PIP4K2A: variants seen among roughly 807,000 people sequenced by gnomAD.
The protein encoded by PIP4K2A is phosphatidylinositol 5-phosphate 4-kinase type-2 alpha.
PIP4K2A carries 14 observed loss-of-function variants against 42.9 expected under a neutral mutation model. That is an observed-to-expected ratio of 0.33 (90% CI 0.22 to 0.51). The LOEUF is 0.51. Ranked by LOEUF, PIP4K2A falls within the 20% of genes least tolerant of loss-of-function variation. The pLI is 0.97. For synonymous variants in PIP4K2A, 192 were observed against 192.2 expected, an observed-to-expected ratio of 1.00 and a Z score of 0.01; for missense variants, 434 against 519.8, an observed-to-expected ratio of 0.83 and a Z score of 1.61.
At chr10:22,624,152 C>T (rs1838389212) in intron 1 of PIP4K2A, among the ~76,000 whole-genome samples, 1 of 152,176 alleles carries the variant, frequency 6.6e-6, no homozygotes, top group Non-Finnish European at 1.5e-5. Flanking sequence ...GGCAGTACTA[C>T]ACTACAAATT....
intron 1 of PIP4K2A, among the ~76,000 whole-genome samples, chr10:22,632,357 T>C (rs998820236): frequency 6.6e-6 from 1 of 152,150 alleles, no homozygotes; most frequent in Non-Finnish European, 1.5e-5. Flanking sequence ...TTGTATTATT[T>C]TTGCTACATT....
chr10:22,578,843 T>G (rs1341321193), intron 4 of PIP4K2A, among the ~76,000 whole-genome samples: 2 of 152,212 alleles, frequency 1.3e-5, no homozygotes, highest in African/African-American at 4.8e-5. Context: ...ATACAACTGT[T>G]GAATAAATGA....
chr10:22,664,053 GTATATATACATATA>G (rs1588693437), intron 1 of PIP4K2A, among the ~76,000 whole-genome samples: 1 of 55,598 alleles, frequency 1.8e-5, no homozygotes, highest in Non-Finnish European at 3.0e-5. Flanking sequence ...ATATACATAT[GTATATATACATATA>G]TATATATACG....
At chr10:22,578,780 G>A (rs981640694) in intron 4 of PIP4K2A, among the ~76,000 whole-genome samples, 29 of 152,092 alleles carry the variant, frequency 1.9e-4, no homozygotes, top group African/African-American at 3.1e-4. Context: ...TAAGCTCCAC[G>A]AAGGTGGCAA....
intron 1 of PIP4K2A, among the ~76,000 whole-genome samples, chr10:22,627,593 A>T (rs1440891609): frequency 5.3e-4 from 13 of 24,396 alleles, no homozygotes; most frequent in Middle Eastern, 0.014. Context: ...ATATGTAATA[A>T]AAAAAAAAAA....
At position 22,654,214 on chromosome 10, in the gene PIP4K2A, A is replaced by G. The variant is rs78008210; in HGVS notation, c.145-44497T>C. Among the ~76,000 whole-genome samples the G allele has an allele frequency of 7.1e-3, 1,089 of 152,314 alleles. 9 individuals are homozygous for G. Among genetic ancestry groups the G allele is most frequent in the African/African-American group, 0.026 (1,064 of 41,556 alleles). On this transcript the variant is annotated intron_variant, in intron 1 of 9. Transcript: ENST00000376573. ...ATTTTTCAGGAAAATTTAATCTCAT[A>G]ATTTTTAAAAATGCTATGAAAATAT...
chr10:22,704,526 C>G (rs1176324572), intron 1 of PIP4K2A, among the ~76,000 whole-genome samples: 1 of 151,550 alleles, frequency 6.6e-6, no homozygotes, highest in Non-Finnish European at 1.5e-5. Flanking sequence ...TGTGGTAGCT[C>G]ACATGTATAA....
At chr10:22,703,359 T>C (rs1020434813) in intron 1 of PIP4K2A, among the ~76,000 whole-genome samples, 11 of 152,130 alleles carry the variant, frequency 7.2e-5, no homozygotes, top group African/African-American at 9.7e-5. Flanking sequence ...CAGTGAGCTA[T>C]GACCATGCCA....
intron 1 of PIP4K2A, among the ~76,000 whole-genome samples, chr10:22,644,550 T>G (rs935661971): frequency 6.6e-6 from 1 of 152,144 alleles, no homozygotes; most frequent in Non-Finnish European, 1.5e-5. Flanking sequence ...CACTTCCCAG[T>G]CTCTCACCTC....
chr10:22,549,770 G>A (rs998073984), intron 7 of PIP4K2A, among the ~76,000 whole-genome samples: 2 of 129,830 alleles, frequency 1.5e-5, no homozygotes, highest in Non-Finnish European at 3.1e-5. Flanking sequence ...GAACCTGGGA[G>A]GCAGAGCTTG....
At chr10:22,645,191 C>T (rs1838855698) in intron 1 of PIP4K2A, among the ~76,000 whole-genome samples, 2 of 152,050 alleles carry the variant, frequency 1.3e-5, no homozygotes, top group Non-Finnish European at 1.5e-5. Flanking sequence ...AAATGGGTGA[C>T]GATGACAAAA....
At chr10:22,643,732 A>AT (rs1838826915) in intron 1 of PIP4K2A, among the ~76,000 whole-genome samples, 1 of 151,846 alleles carries the variant, frequency 6.6e-6, no homozygotes, top group Admixed American at 6.6e-5. Flanking sequence ...CCCCTCAAGT[A>AT]TTTTTTTCTT....
chr10:22,539,322 A>T (rs1564410605), intron 9 of PIP4K2A: 1 of 152,258 alleles, frequency 6.6e-6, no homozygotes, highest in Admixed American at 6.5e-5. Flanking sequence ...TATCTCTTTC[A>T]TAGGCTTCTC....
rs187095840 is a variant in PIP4K2A at position 22,567,926 on chromosome 10, G to A, written c.640-37C>T. On this transcript the variant is annotated intron_variant, in intron 5 of 9. Coordinates refer to ENST00000376573, the MANE Select transcript of PIP4K2A (RefSeq NM_005028.5). ...GGCAATAATAAAAACATGCGCATGGGAGGCATTGGGTTTCACACGCAGAAA... is the reference window on the plus strand; with the variant it reads ...GGCAATAATAAAAACATGCGCATGGAAGGCATTGGGTTTCACACGCAGAAA... 4.7e-3 allele frequency: 7,398 copies of A among 1,589,186 alleles called. 145 individuals carry two copies. The highest frequency in any genetic ancestry group is 3.0e-3 in the Middle Eastern group (18 of 6,012).
At chr10:22,640,423 T>C (rs1838757574) in intron 1 of PIP4K2A, among the ~76,000 whole-genome samples, 1 of 152,186 alleles carries the variant, frequency 6.6e-6, no homozygotes, top group Admixed American at 6.5e-5. Flanking sequence ...GAGCCTCAGC[T>C]TGTTTGTCAA....
intron 4 of PIP4K2A, among the ~76,000 whole-genome samples, chr10:22,584,152 G>GTAATTCAAAACTCC (rs1364713888): frequency 4.9e-4 from 75 of 152,216 alleles, no homozygotes; most frequent in Non-Finnish European, 9.3e-4. Flanking sequence ...AATTACAGAG[G>GTAATTCAAAACTCC]TGGGAACTCT....
intron 5 of PIP4K2A, 131 bp from the exon 6 acceptor site, chr10:22,568,020 A>C: frequency 2.5e-6 from 2 of 790,044 alleles, no homozygotes; most frequent in Non-Finnish European, 4.5e-6. Context: ...GCCCATGCGG[A>C]ATGGGCTTCT....
chr10:22,671,279 T>C (rs1409337722), intron 1 of PIP4K2A, among the ~76,000 whole-genome samples: 4 of 152,110 alleles, frequency 2.6e-5, no homozygotes, highest in African/African-American at 4.8e-5. Flanking sequence ...TATGAATAAA[T>C]AACAATGCAG....
chr10:22,672,131 G>A (rs1169693597), intron 1 of PIP4K2A, among the ~76,000 whole-genome samples: 1 of 152,058 alleles, frequency 6.6e-6, no homozygotes, highest in Non-Finnish European at 1.5e-5. Flanking sequence ...GAAAAAGACC[G>A]ATGTACAATA....
Sources: allele counts gnomAD v4.1 joint callset (sites outside exome capture counted in the v4.1 genomes callset), GRCh38; gene constraint gnomAD v4.1.1; transcripts MANE v1.5; gene names NCBI Gene and HGNC (gene_info 2026-07-23, HGNC 2026-07-21).